The following KCNH8 variants were observed in gnomAD, a reference collection of about 807,000 sequenced individuals.
The protein encoded by KCNH8 is potassium voltage-gated channel subfamily H member 8.
Under a neutral mutation model 103.6 loss-of-function variants are expected in KCNH8, and 70 were observed. The observed-to-expected ratio is 0.68, with a 90% CI of 0.56 to 0.82. The LOEUF is 0.82. Among genes scored for constraint, KCNH8 ranks in the 40% least tolerant of loss-of-function variants. The pLI is 0.00. For synonymous variants in KCNH8, 498 were observed against 489.4 expected, an observed-to-expected ratio of 1.02 and a Z score of -0.23; for missense variants, 1,217 against 1,329.9, an observed-to-expected ratio of 0.92 and a Z score of 1.32.
chr3:19,296,562 C>T (rs2064999202), intron 3 of KCNH8, among the ~76,000 whole-genome samples: 1 of 152,154 alleles, frequency 6.6e-6, no homozygotes, highest in Non-Finnish European at 1.5e-5. Flanking sequence ...CTTTTGATCC[C>T]AGTAATTTAG....
At chr3:19,478,310 T>C (rs775486800) in intron 11 of KCNH8, among the ~76,000 whole-genome samples, 2 of 152,088 alleles carry the variant, frequency 1.3e-5, no homozygotes, top group Non-Finnish European at 2.9e-5. Context: ...AGTAGTGGGA[T>C]TGCTGGATTG....
intron 7 of KCNH8, among the ~76,000 whole-genome samples, chr3:19,407,192 GATA>G (rs2066705394): frequency 6.6e-6 from 1 of 152,110 alleles, no homozygotes; most frequent in Non-Finnish European, 1.5e-5. Flanking sequence ...GGAAATTAAA[GATA>G]ATATTTACAA....
intron 1 of KCNH8, among the ~76,000 whole-genome samples, chr3:19,167,124 A>C (rs2063293154): frequency 1.3e-5 from 2 of 152,310 alleles, no homozygotes; most frequent in South Asian, 4.1e-4. Context: ...TTTTATCCCA[A>C]TTCTACAGAT....
rs774117315 is a variant in KCNH8 at position 19,513,237 on chromosome 3, C to G, written c.2347C>G (p.Pro783Ala). Residue 783 changes from proline to alanine, a missense_variant, in exon 13 of 16, where the codon CCC (proline) becomes GCC (alanine). By Grantham distance (27) the Pro-to-Ala change is conservative. Coordinates refer to ENST00000328405, the MANE Select transcript of KCNH8 (RefSeq NM_144633.3). ...CCCCAAAACCAAGCAGGAAATTGAC[C>G]CCCCCAACCATAATAAAAGGAAAGA... ...NSPKTKQEID[P>A]PNHNKRKEKN... 1.2e-6 allele frequency: 2 copies of G among 1,613,726 alleles called. No individual in the cohort carries two copies. Among genetic ancestry groups the G allele is most frequent in the Non-Finnish European group, 1.7e-6 (2 of 1,179,918 alleles).
chr3:19,361,810 A>C (rs1284124008), intron 5 of KCNH8, among the ~76,000 whole-genome samples: 1 of 152,030 alleles, frequency 6.6e-6, no homozygotes, highest in Non-Finnish European at 1.5e-5. Flanking sequence ...AAATACCCAA[A>C]TTTTTCTATC....
intron 1 of KCNH8, among the ~76,000 whole-genome samples, chr3:19,231,659 A>G (rs1432633228): frequency 1.3e-5 from 2 of 152,190 alleles, no homozygotes; most frequent in Non-Finnish European, 1.5e-5. Context: ...ACAAGATCAT[A>G]TCTGTTGCAT....
intron 1 of KCNH8, among the ~76,000 whole-genome samples, chr3:19,164,334 C>A (rs1368738879): frequency 6.6e-6 from 1 of 152,166 alleles, no homozygotes; most frequent in African/African-American, 2.4e-5. Context: ...TTCAAATTTA[C>A]TGTGCTTTTA....
intron 1 of KCNH8, among the ~76,000 whole-genome samples, chr3:19,188,631 G>A (rs1397105304): frequency 2.0e-5 from 3 of 151,864 alleles, no homozygotes; most frequent in Non-Finnish European, 4.4e-5. Context: ...GGTAAAGTAC[G>A]AAGCCATTAT....
At chr3:19,265,580 C>G (rs1452452983) in intron 2 of KCNH8, among the ~76,000 whole-genome samples, 1 of 151,994 alleles carries the variant, frequency 6.6e-6, no homozygotes, top group Non-Finnish European at 1.5e-5. Context: ...GAATCTAATG[C>G]TTGGCCCTGG....
chr3:19,360,925 T>C (rs2065939141), intron 5 of KCNH8, among the ~76,000 whole-genome samples: 1 of 152,132 alleles, frequency 6.6e-6, no homozygotes, highest in South Asian at 2.1e-4. Context: ...GAATAAGAAC[T>C]AGTATTATGA....
At chr3:19,241,733 C>G (rs1408979358) in intron 1 of KCNH8, among the ~76,000 whole-genome samples, 1 of 151,774 alleles carries the variant, frequency 6.6e-6, no homozygotes, top group Non-Finnish European at 1.5e-5. Context: ...GACACACACA[C>G]ACACACACAC....
intron 1 of KCNH8, among the ~76,000 whole-genome samples, chr3:19,173,169 C>G (rs2063364227): frequency 6.8e-6 from 1 of 147,304 alleles, no homozygotes; most frequent in Non-Finnish European, 1.5e-5. Flanking sequence ...CCTGGCATCT[C>G]ATTTAAAAAA....
intron 3 of KCNH8, among the ~76,000 whole-genome samples, chr3:19,335,819 A>G (rs77154532): frequency 0.34 from 52,182 of 151,392 alleles, 9,754 homozygotes; most frequent in East Asian, 0.66. Flanking sequence ...AACTATGAAA[A>G]TACAATTTTC....
chr3:19,336,425 C>T (rs1480262722), intron 3 of KCNH8, among the ~76,000 whole-genome samples: 1 of 151,666 alleles, frequency 6.6e-6, no homozygotes, highest in East Asian at 1.9e-4. Flanking sequence ...ATTGCCTTTG[C>T]AGAACAAAAT....
intron 1 of KCNH8, among the ~76,000 whole-genome samples, chr3:19,210,883 A>G (rs1392473594): frequency 2.6e-5 from 4 of 152,150 alleles, no homozygotes; most frequent in African/African-American, 7.2e-5. Flanking sequence ...AGCTTTTTGC[A>G]TTAGTGCTGA....
rs1317471920 is a variant in KCNH8 at position 19,456,913 on chromosome 3, T to C, written c.1971T>C (p.Tyr657=). ...LFEVLDLYPE[Y]AHKFVEDIQH... is the part of the protein sequence containing the mutation. ...AAGTGCTAGACCTTTACCCAGAATA[T>C]GCTCACAAATTCGTGGAAGACATTC... Residue 657 remains tyrosine (Y), a synonymous_variant, in exon 11 of 16, where the codon TAT becomes TAC. Coordinates refer to ENST00000328405, the MANE Select transcript of KCNH8 (RefSeq NM_144633.3). 1.9e-6 allele frequency: 3 copies of C among 1,612,614 alleles called. No homozygotes were observed. The highest frequency in any genetic ancestry group is 2.7e-5 in the African/African-American group (2 of 74,948).
At chr3:19,496,604 G>C (rs1559356853) in intron 11 of KCNH8, among the ~76,000 whole-genome samples, 2 of 151,918 alleles carry the variant, frequency 1.3e-5, no homozygotes, top group Non-Finnish European at 2.9e-5. Flanking sequence ...CTAGTATTTT[G>C]TTGAGGATTT....
chr3:19,170,904 TG>T lies in KCNH8; in HGVS notation c.76+22112del, dbSNP rs202003260. Among the ~76,000 whole-genome samples the T allele has an allele frequency of 7.7e-3, 1,158 of 149,626 alleles. 15 individuals carry two copies. The highest frequency in any genetic ancestry group is 0.026 in the African/African-American group (1,067 of 40,482). On this transcript the variant is annotated intron_variant, in intron 1 of 15. Coordinates refer to ENST00000328405, the MANE Select transcript of KCNH8 (RefSeq NM_144633.3). ...TCGGCTCACTGCAAGCTCCGCCTCCTGGGTTCAAGCCATTTTCCTGCCTCAG... is the reference window on the plus strand; with the variant it reads ...TCGGCTCACTGCAAGCTCCGCCTCCTGGTTCAAGCCATTTTCCTGCCTCAG...
At chr3:19,443,119 G>A (rs980582329) in intron 8 of KCNH8, among the ~76,000 whole-genome samples, 1 of 151,590 alleles carries the variant, frequency 6.6e-6, no homozygotes, top group Non-Finnish European at 1.5e-5. Flanking sequence ...ATAGACTTAA[G>A]TCTAGGGTAT....
Sources: gnomAD v4.1 joint callset for allele counts (sites outside exome capture counted in the v4.1 genomes callset) on GRCh38, gnomAD v4.1.1 for gene constraint, MANE v1.5 for transcripts, NCBI Gene and HGNC (gene_info 2026-07-23, HGNC 2026-07-21) for gene names.